Variants in DHDDS observed in about 807,000 individuals in gnomAD.
DHDDS encodes the protein dehydrodolichyl diphosphate synthase complex subunit DHDDS.
Under a neutral mutation model 46.2 loss-of-function variants are expected in DHDDS, and 16 were observed. That is an observed-to-expected ratio of 0.35 (90% CI 0.23 to 0.53). DHDDS has a LOEUF of 0.53. Ranked by LOEUF, DHDDS falls within the 20% of genes least tolerant of loss-of-function variation. The probability of loss-of-function intolerance (pLI) is 0.94; values close to 1 mark genes in which losing one functional copy is unlikely to be tolerated. For missense variants in DHDDS, 340 were observed against 423.7 expected (o/e 0.80, Z 1.73); for synonymous variants, 151 against 163.1 (o/e 0.93, Z 0.56).
In DHDDS at chr1:26,469,197, C is replaced by T; in HGVS notation, c.*66C>T. 1.2e-6 allele frequency: 2 copies of T among 1,607,192 alleles called. No individual in the cohort carries two copies. The highest frequency in any genetic ancestry group is 1.7e-5 in the Admixed American group (1 of 60,030). On this transcript the variant is annotated 3_prime_UTR_variant, in exon 9 of 9. Coordinates refer to ENST00000236342, the MANE Select transcript of DHDDS (RefSeq NM_205861.3). ...CCAGGGCTCCACTCCCCTTCCTTTTCTTGGTGAAAGGCACCTCCTTTCCTG... is the reference window on the plus strand; with the variant it reads ...CCAGGGCTCCACTCCCCTTCCTTTTTTTGGTGAAAGGCACCTCCTTTCCTG...
chr1:26,438,339 G>C (rs774040316), intron 3 of DHDDS, 55 bp downstream of exon 3: 1 of 1,515,736 alleles, frequency 6.6e-7, no homozygotes, highest in African/African-American at 1.4e-5. Context: ...GTAGATTATA[G>C]CTAGAAAACC....
Position 26,468,878 on chromosome 1 carries a change from C to T in DHDDS, c.766-17C>T, listed in dbSNP as rs1241462821. On this transcript the variant is annotated splice_polypyrimidine_tract_variant and intron_variant, in intron 8 of 8. Coordinates refer to ENST00000236342, the MANE Select transcript of DHDDS (RefSeq NM_205861.3). ...AAAAATGATCTCCCCACCCCAATCC[C>T]CACTTTTCTCTAGCAGAAGGCCCGA... The T allele has an allele frequency of 6.2e-7, 1 of 1,613,870 alleles. No homozygotes were observed. Among genetic ancestry groups the T allele is most frequent in the Admixed American group, 1.7e-5 (1 of 60,006 alleles).
At chr1:26,439,925 G>A (rs1305165881) in intron 3 of DHDDS, among the ~76,000 whole-genome samples, 1 of 152,210 alleles carries the variant, frequency 6.6e-6, no homozygotes, top group African/African-American at 2.4e-5. Context: ...CGGATCATGA[G>A]GTCAGGAGAT....
In DHDDS at chr1:26,442,737, C is replaced by T. The variant is rs148606976; in HGVS notation, c.187C>T (p.Arg63Trp). 27 of 1,613,968 alleles carry T rather than the reference C, an allele frequency of 1.7e-5. No individual in the cohort carries two copies. Among genetic ancestry groups the T allele is most frequent in the Middle Eastern group, 1.6e-4 (1 of 6,084 alleles). Reference protein sequence around the residue: ...QGFNKLAETLRWCLNLGILEV... With the variant: ...QGFNKLAETLWWCLNLGILEV... ...TTGCCTTCTCCCCTCTCAGACTCTG[C>T]GGTGGTGTTTGAACCTGGGCATCCT... Residue 63 changes from arginine to tryptophan, a missense_variant, in exon 4 of 9, where the codon CGG becomes TGG. By Grantham distance (101) the Arg-to-Trp change is moderately radical. Transcript: ENST00000236342.
chr1:26,447,052 GGTGGCTGGGCACA>G (rs764028938), intron 5 of DHDDS, among the ~76,000 whole-genome samples: 99 of 152,252 alleles, frequency 6.5e-4, no homozygotes, highest in Middle Eastern at 6.8e-3. Flanking sequence ...GGAGCTATTT[GGTGGCTGGGCACA>G]GTGGCTCACG....
At chr1:26,443,954 A>C (rs572324479) in intron 4 of DHDDS, among the ~76,000 whole-genome samples, 2 of 152,278 alleles carry the variant, frequency 1.3e-5, no homozygotes, top group South Asian at 4.1e-4. Flanking sequence ...TTTTAGAGAG[A>C]AGGAAAGTAG....
intron 7 of DHDDS, among the ~76,000 whole-genome samples, chr1:26,458,980 T>C (rs1393057302): frequency 6.6e-6 from 1 of 152,140 alleles, no homozygotes; most frequent in African/African-American, 2.4e-5. Context: ...AGGATAGTGG[T>C]CTGCAAAAGG....
chr1:26,433,220 T>C (rs2075120949), intron 2 of DHDDS: 3 of 615,248 alleles, frequency 4.9e-6, no homozygotes, highest in Admixed American at 2.8e-5. Context: ...AGCCCAGGCC[T>C]CTTAATGTCA....
chr1:26,435,723 T>A (rs1417100947), intron 2 of DHDDS, among the ~76,000 whole-genome samples: 1 of 152,086 alleles, frequency 6.6e-6, no homozygotes, highest in Non-Finnish European at 1.5e-5. Context: ...CAAGCAGTTC[T>A]CCTGCCTCAG....
intron 8 of DHDDS, among the ~76,000 whole-genome samples, chr1:26,461,680 C>T (rs916848715): frequency 7.9e-5 from 12 of 152,152 alleles, no homozygotes; most frequent in African/African-American, 2.9e-4. Context: ...CCACCAAGCC[C>T]GGCCACACAT....
At chr1:26,456,421 C>G (rs1008132936) in intron 6 of DHDDS, among the ~76,000 whole-genome samples, 1 of 152,056 alleles carries the variant, frequency 6.6e-6, no homozygotes, top group African/African-American at 2.4e-5. Flanking sequence ...GAGACAGAGC[C>G]TCGCTCTGTC....
At chr1:26,454,372 C>G (rs2075350681) in intron 6 of DHDDS, among the ~76,000 whole-genome samples, 1 of 152,182 alleles carries the variant, frequency 6.6e-6, no homozygotes, top group African/African-American at 2.4e-5. Flanking sequence ...TGCATACCTA[C>G]TGCCTAAAGT....
chr1:26,446,701 T>G (rs914106841), intron 5 of DHDDS, among the ~76,000 whole-genome samples: 2 of 151,990 alleles, frequency 1.3e-5, no homozygotes, highest in Non-Finnish European at 2.9e-5. Context: ...TGTGTGTGTG[T>G]GTGTGTGGGT....
intron 6 of DHDDS, among the ~76,000 whole-genome samples, chr1:26,449,982 T>C (rs1273922114): frequency 6.6e-6 from 1 of 152,202 alleles, no homozygotes; most frequent in East Asian, 1.9e-4. Context: ...TGAACAGAGA[T>C]GTCAGGTCAA....
At chr1:26,461,700 T>C (rs1196739088) in intron 8 of DHDDS, among the ~76,000 whole-genome samples, 1 of 152,232 alleles carries the variant, frequency 6.6e-6, no homozygotes, top group Non-Finnish European at 1.5e-5. Context: ...TAGAATACTT[T>C]AAGGGGGTTC....
rs1288835888 is a variant in DHDDS at position 26,468,883 on chromosome 1, T to C, written c.766-12T>C. The C allele has an allele frequency of 6.3e-7, 1 of 1,598,234 alleles. No individual in the cohort carries two copies. The highest frequency in any genetic ancestry group is 8.5e-7 in the Non-Finnish European group (1 of 1,170,526). Reference sequence around the variant, plus strand: ...TGATCTCCCCACCCCAATCCCCACTTTTCTCTAGCAGAAGGCCCGAGACAT... The same window carrying C: ...TGATCTCCCCACCCCAATCCCCACTCTTCTCTAGCAGAAGGCCCGAGACAT... On this transcript the variant is annotated splice_polypyrimidine_tract_variant and intron_variant, in intron 8 of 8. Coordinates refer to ENST00000236342, the MANE Select transcript of DHDDS (RefSeq NM_205861.3).
At chr1:26,449,061 C>A (rs1272627593) in intron 6 of DHDDS, among the ~76,000 whole-genome samples, 1 of 151,964 alleles carries the variant, frequency 6.6e-6, no homozygotes, top group African/African-American at 2.4e-5. Flanking sequence ...TTCATTCATT[C>A]AACAAATATT....
At chr1:26,439,672 AGG>A (rs1332549393) in intron 3 of DHDDS, among the ~76,000 whole-genome samples, 5 of 152,188 alleles carry the variant, frequency 3.3e-5, no homozygotes, top group African/African-American at 1.2e-4. Flanking sequence ...GCCAAGGCTG[AGG>A]GGTTTCTCAG....
At chr1:26,456,662 G>A (rs555794262) in intron 6 of DHDDS, among the ~76,000 whole-genome samples, 138 of 152,212 alleles carry the variant, frequency 9.1e-4, no homozygotes, top group Non-Finnish European at 1.8e-3. Context: ...CAAAGTACTG[G>A]GATTACAGGC....
Sources: allele counts gnomAD v4.1 joint callset (sites outside exome capture counted in the v4.1 genomes callset), GRCh38; gene constraint gnomAD v4.1.1; transcripts MANE v1.5; gene names NCBI Gene and HGNC (gene_info 2026-07-23, HGNC 2026-07-21).